The following SLC45A4 variants were observed in gnomAD, a reference collection of about 807,000 sequenced individuals.
SLC45A4 encodes the protein polyamine-transporter SLC45A4.
In SLC45A4, 32 loss-of-function variants were observed where a neutral mutation model predicts 63.7. That is an observed-to-expected ratio of 0.50 (90% CI 0.38 to 0.67). The LOEUF (loss-of-function observed/expected upper bound fraction) is 0.67. Ranked by LOEUF, SLC45A4 falls within the 30% of genes least tolerant of loss-of-function variation. SLC45A4 has a pLI of 0.00. For missense variants in SLC45A4, 1,027 were observed against 1,157.7 expected (o/e 0.89, Z 1.64); for synonymous variants, 535 against 510.0 (o/e 1.05, Z -0.66).
Position 141,227,033 on chromosome 8 carries a change from C to T in SLC45A4, c.242-5268G>A, listed in dbSNP as rs1251386472. On this transcript the variant is annotated intron_variant, in intron 2 of 8. Coordinates refer to ENST00000517878, the MANE Select transcript of SLC45A4 (RefSeq NM_001286646.2). This position sits in a 1 kb window ranked among gnomAD's most constrained non-coding sequence, Gnocchi z 4.4. ...CCCCGGCGGTGAGAACTCGGTCTCCCCCGTTCGTAGCAGGGGGCTGCCACT... is the reference window on the plus strand; with the variant it reads ...CCCCGGCGGTGAGAACTCGGTCTCCTCCGTTCGTAGCAGGGGGCTGCCACT... 14 of 152,406 alleles carry T rather than the reference C, an allele frequency of 9.2e-5. No individual in the cohort carries two copies. The highest frequency in any genetic ancestry group is 2.4e-4 in the African/African-American group (10 of 41,598). 9.4% of individuals were successfully genotyped at this position (152,406 alleles called of 1,614,324 possible).
intron 1 of SLC45A4, among the ~76,000 whole-genome samples, chr8:141,270,639 C>G (rs528493498): frequency 9.2e-5 from 14 of 152,302 alleles, no homozygotes; most frequent in Non-Finnish European, 1.9e-4. Flanking sequence ...TCGCTGCACT[C>G]TAGCCAGGGT....
chr8:141,290,158 T>C (rs1294057883), intron 1 of SLC45A4, among the ~76,000 whole-genome samples: 1 of 152,204 alleles, frequency 6.6e-6, no homozygotes, highest in African/African-American at 2.4e-5. Flanking sequence ...TTATACATGA[T>C]CTACATCTAC....
Position 141,212,477 on chromosome 8 carries a change from G to A in SLC45A4, c.2021C>T (p.Ser674Leu), listed in dbSNP as rs1156452461. ...AAGGGCAGAGGCCACCAGGATCTGC[G>A]AGATGTACACTTGGCAGGACAGGAT... ...CAILSCQVYI[S>L]QILVASALGG... Residue 674 changes from serine to leucine, a missense_variant, in exon 8 of 9, where the codon TCG becomes TTG. By Grantham distance (145) the Ser-to-Leu change is moderately radical. Transcript: ENST00000517878. 1.2e-6 allele frequency: 2 copies of A among 1,613,916 alleles called. No individual in the cohort carries two copies. The highest frequency in any genetic ancestry group is 1.7e-6 in the Non-Finnish European group (2 of 1,180,032).
Position 141,219,048 on chromosome 8 carries a change from C to T in SLC45A4, c.611-19G>A, listed in dbSNP as rs754925943. The T allele has an allele frequency of 5.6e-6, 9 of 1,594,714 alleles. No homozygotes were observed. The highest frequency in any genetic ancestry group is 7.7e-6 in the Non-Finnish European group (9 of 1,167,944). ...CCGAGGCCTGCGTGGGAGGAAGCAG[C>T]AGCCGGTGAGCCGGTGGCACCAGGC... On this transcript the variant is annotated intron_variant, in intron 4 of 8. Coordinates refer to ENST00000517878, the MANE Select transcript of SLC45A4 (RefSeq NM_001286646.2).
intron 1 of SLC45A4, among the ~76,000 whole-genome samples, chr8:141,277,700 G>C (rs1359072729): frequency 1.3e-5 from 2 of 151,834 alleles, no homozygotes; most frequent in Admixed American, 1.3e-4. Flanking sequence ...AGTGCAGTGG[G>C]GCGATCTCGG....
chr8:141,264,440 G>A (rs977357450), intron 1 of SLC45A4, among the ~76,000 whole-genome samples: 5 of 152,168 alleles, frequency 3.3e-5, no homozygotes, highest in Non-Finnish European at 5.9e-5. Context: ...GGGACATCTC[G>A]ACCTCTGCTG....
rs1827199295 is a variant in SLC45A4 at position 141,229,080 on chromosome 8, G to C, written c.242-7315C>G. Among the ~76,000 whole-genome samples, 1 of 152,120 alleles carries C rather than the reference G, an allele frequency of 6.6e-6. No individual in the cohort carries two copies. Among genetic ancestry groups the C allele is most frequent in the Non-Finnish European group, 1.5e-5 (1 of 68,010 alleles). ...TTCGAAGACACTGCTGCCTCTGCCT[G>C]AAGTACTTTACCTTCCCCCCTTACC... On this transcript the variant is annotated intron_variant, in intron 2 of 8. Coordinates refer to ENST00000517878, the MANE Select transcript of SLC45A4 (RefSeq NM_001286646.2). This position sits in a 1 kb window ranked among gnomAD's most constrained non-coding sequence, Gnocchi z 5.0.
intron 7 of SLC45A4, among the ~76,000 whole-genome samples, chr8:141,212,964 G>A (rs1825928760): frequency 6.6e-6 from 1 of 152,224 alleles, no homozygotes; most frequent in African/African-American, 2.4e-5. Flanking sequence ...TATAACTGCA[G>A]GTGGCCACGT....
chr8:141,252,196 T>A (rs182324582), intron 2 of SLC45A4: 48 of 152,238 alleles, frequency 3.2e-4, no homozygotes, highest in African/African-American at 1.2e-3. Context: ...CAGATTTTTT[T>A]AAAACTTCCT....
In SLC45A4 at chr8:141,209,996, C is replaced by T. The variant is rs980337733; in HGVS notation, c.*1576G>A. 4 of 152,234 alleles carry T rather than the reference C, an allele frequency of 2.6e-5. No homozygotes were observed. The highest frequency in any genetic ancestry group is 6.5e-5 in the Admixed American group (1 of 15,286). 9.4% of individuals were successfully genotyped at this position (152,234 alleles called of 1,614,324 possible). ...GCAAGGGGTGGCCCCCAGATGAACCCACATTTGGTGTGGTTTGGGTCGGAT... is the reference window on the plus strand; with the variant it reads ...GCAAGGGGTGGCCCCCAGATGAACCTACATTTGGTGTGGTTTGGGTCGGAT... On this transcript the variant is annotated 3_prime_UTR_variant, in exon 9 of 9. Transcript: ENST00000517878.
At chr8:141,307,219 T>C (rs1201938346) in intron 1 of SLC45A4, among the ~76,000 whole-genome samples, 1 of 152,184 alleles carries the variant, frequency 6.6e-6, no homozygotes, top group Non-Finnish European at 1.5e-5. Context: ...GCAGGATACC[T>C]GGGGGAGGAA....
intron 1 of SLC45A4, among the ~76,000 whole-genome samples, chr8:141,292,223 C>A (rs1830373643): frequency 1.3e-5 from 2 of 152,228 alleles, no homozygotes; most frequent in African/African-American, 4.8e-5. Flanking sequence ...ACTCAGGAGA[C>A]CTGCATACAT....
chr8:141,300,807 C>T (rs1051630108), intron 1 of SLC45A4, among the ~76,000 whole-genome samples: 4 of 152,270 alleles, frequency 2.6e-5, no homozygotes, highest in African/African-American at 7.2e-5. Context: ...CCGCAGCGTG[C>T]TTACTCGTGA....
In SLC45A4 at chr8:141,219,021, C is replaced by T. The variant is rs746380032; in HGVS notation, c.619G>A (p.Gly207Arg). The change falls in exon 5 of 9, where the codon GGA becomes AGA. Residue 207 changes from glycine to arginine, a missense_variant. Gly to Arg is a moderately radical substitution (Grantham distance 125). Transcript: ENST00000517878. ...CCACCCAGCACGTAGCCGATGGCTC[C>T]GCCGAGGCCTGCGTGGGAGGAAGCA... ...NIHAFSAGLG[G>R]AIGYVLGGLD... 5.6e-6 allele frequency: 9 copies of T among 1,608,350 alleles called. No individual in the cohort carries two copies. Among genetic ancestry groups the T allele is most frequent in the East Asian group, 2.2e-5 (1 of 44,746 alleles).
Position 141,301,734 on chromosome 8 carries a change from C to CAAAAAAAAAAAAAAAAAAA in SLC45A4, c.-401+6343_-401+6361dup, listed in dbSNP as rs564016568. On this transcript the variant is annotated intron_variant, in intron 1 of 8. Coordinates refer to ENST00000517878, the MANE Select transcript of SLC45A4 (RefSeq NM_001286646.2). Reference sequence around the variant, plus strand: ...TGGGGGACAGAATGAGACCCTATCTCAAAAAAAAAAAAAAAAAAAAAAAAA... The same window carrying CAAAAAAAAAAAAAAAAAAA: ...TGGGGGACAGAATGAGACCCTATCTCAAAAAAAAAAAAAAAAAAAAAAAAAAAAAAAAAAAAAAAAAAAA... 1.9e-3 allele frequency among the ~76,000 whole-genome samples: 75 copies of CAAAAAAAAAAAAAAAAAAA among 39,582 alleles called. 8 individuals carry two copies. Among genetic ancestry groups the CAAAAAAAAAAAAAAAAAAA allele is most frequent in the Non-Finnish European group, 3.1e-3 (62 of 19,946 alleles). 26.0% of individuals were successfully genotyped at this position (39,582 alleles called of 152,430 possible).
intron 1 of SLC45A4, among the ~76,000 whole-genome samples, chr8:141,293,797 G>A (rs538814320): frequency 1.3e-5 from 2 of 152,190 alleles, no homozygotes; most frequent in East Asian, 3.9e-4. Context: ...GCTGGGCGTG[G>A]TGGTGCACAC....
At chr8:141,217,742 C>T (rs1287715992) in intron 5 of SLC45A4, among the ~76,000 whole-genome samples, 4 of 152,196 alleles carry the variant, frequency 2.6e-5, no homozygotes, top group African/African-American at 9.7e-5. Flanking sequence ...AACAGACACC[C>T]CGTTCACACC....
rs913954395 is a variant in SLC45A4 at position 141,254,671 on chromosome 8, G to A, written c.-400-42C>T. ...CAACCCGGCCAGAGAGTCAGGGGAC[G>A]GCCACCAGATGGCCCTGTGGACCGC... On this transcript the variant is annotated intron_variant, in intron 1 of 8. Coordinates refer to ENST00000517878, the MANE Select transcript of SLC45A4 (RefSeq NM_001286646.2). This position sits in a 1 kb window ranked among gnomAD's most constrained non-coding sequence, Gnocchi z 4.5. The A allele has an allele frequency of 4.2e-5, 29 of 696,364 alleles. No individual in the cohort carries two copies. The highest frequency in any genetic ancestry group is 6.0e-5 in the Non-Finnish European group (23 of 381,564). 43.1% of individuals were successfully genotyped at this position (696,364 alleles called of 1,614,324 possible).
intron 1 of SLC45A4, among the ~76,000 whole-genome samples, chr8:141,270,908 C>T (rs940404336): frequency 1.1e-4 from 17 of 152,252 alleles, no homozygotes; most frequent in African/African-American, 3.9e-4. Flanking sequence ...TCCCCAGCCA[C>T]GGCAAGATCC....
Sources: gnomAD v4.1 joint callset for allele counts (sites outside exome capture counted in the v4.1 genomes callset) on GRCh38, gnomAD v4.1.1 for gene constraint, Gnocchi (gnomAD v3.1) non-coding constraint, MANE v1.5 for transcripts, NCBI Gene and HGNC (gene_info 2026-07-23, HGNC 2026-07-21) for gene names.